Variants in PTPN4 observed in about 807,000 individuals in gnomAD.
The protein encoded by PTPN4 is tyrosine-protein phosphatase non-receptor type 4.
In PTPN4, 49 loss-of-function variants were observed where a neutral mutation model predicts 135.5. That is an observed-to-expected ratio of 0.36 (90% CI 0.29 to 0.46). The LOEUF is 0.46. PTPN4 is among the 20% of genes least tolerant of loss of function. PTPN4 has a pLI of 1.00. For synonymous variants in PTPN4, 333 were observed against 369.9 expected (o/e 0.90, Z 1.14); for missense variants, 860 against 1,101.0 (o/e 0.78, Z 3.10).
intron 2 of PTPN4, among the ~76,000 whole-genome samples, chr2:119,824,935 G>A (rs914121966): frequency 1.4e-4 from 22 of 152,168 alleles, no homozygotes; most frequent in Non-Finnish European, 2.6e-4. Flanking sequence ...TGGTCCGCCT[G>A]CCTTGGCCTC....
In PTPN4 at chr2:119,910,211, A is replaced by G. The variant is rs1318594731; in HGVS notation, c.765-4968A>G. Among the ~76,000 whole-genome samples the G allele has an allele frequency of 2.0e-5, 3 of 152,114 alleles. No individual in the cohort carries two copies. The East Asian group carries it at 5.8e-4, about 29-fold the overall frequency. On this transcript the variant is annotated intron_variant, in intron 10 of 26. Transcript: ENST00000263708. Reference sequence around the variant, plus strand: ...AAGATTACAACTCCTGAGGGCTCAGATGATCATTAGAATTTTTTATAAATT... The same window carrying G: ...AAGATTACAACTCCTGAGGGCTCAGGTGATCATTAGAATTTTTTATAAATT...
chr2:119,862,598 G>A lies in PTPN4; in HGVS notation c.201G>A (p.Gln67=), dbSNP rs1677777168. 6 of 1,612,926 alleles carry A rather than the reference G, an allele frequency of 3.7e-6. No homozygotes were observed. Among genetic ancestry groups the A allele is most frequent in the African/African-American group, 1.3e-5 (1 of 74,818 alleles). Residue 67 remains glutamine (Q), a synonymous_variant, in exon 3 of 27, where the codon CAG becomes CAA. Coordinates refer to ENST00000263708, the MANE Select transcript of PTPN4 (RefSeq NM_002830.4). ...VVFKHLDLTE[Q]DYFGLQLADD... is the part of the protein sequence containing the mutation. ...TCAAGCATCTAGATTTGACTGAGCAGGACTATTTTGGTTTACAGTTGGCTG... is the reference window on the plus strand; with the variant it reads ...TCAAGCATCTAGATTTGACTGAGCAAGACTATTTTGGTTTACAGTTGGCTG...
At chr2:119,771,684 C>G (rs369331330) in intron 1 of PTPN4, 4 of 152,168 alleles carry the variant, frequency 2.6e-5, no homozygotes, top group Non-Finnish European at 5.9e-5. Flanking sequence ...TCATCATTAG[C>G]GAGTTTCCCT....
At chr2:119,938,958 T>C (rs929865123) in intron 15 of PTPN4, among the ~76,000 whole-genome samples, 6 of 152,342 alleles carry the variant, frequency 3.9e-5, no homozygotes, top group African/African-American at 1.2e-4. Context: ...AGCTCTGGAT[T>C]CAGACTAGGT....
chr2:119,962,729 C>A lies in PTPN4; in HGVS notation c.2394C>A (p.Thr798=), dbSNP rs2105059971. The A allele has an allele frequency of 6.3e-7, 1 of 1,580,904 alleles. No homozygotes were observed. Among genetic ancestry groups the A allele is most frequent in the South Asian group, 1.2e-5 (1 of 86,260 alleles). The change falls in exon 24 of 27, where the codon ACC becomes ACA. Residue 798 remains threonine, a synonymous_variant. Transcript: ENST00000263708. ...CTGCCTATATCTTCAGGAAGATGAC[C>A]CTATTTAACCAAGAGGTAAGAAGGC... is the stretch of plus-strand genomic sequence containing the variant. ...GNTAYIFRKM[T]LFNQEKNESR...
intron 1 of PTPN4, among the ~76,000 whole-genome samples, chr2:119,782,899 G>T (rs1690970187): frequency 6.6e-6 from 1 of 151,202 alleles, no homozygotes; most frequent in Non-Finnish European, 1.5e-5. Context: ...GTAGAGACAG[G>T]ATCTCCCTAT....
chr2:119,780,938 A>G (rs369292706), intron 1 of PTPN4, among the ~76,000 whole-genome samples: 3 of 152,082 alleles, frequency 2.0e-5, no homozygotes, highest in Non-Finnish European at 4.4e-5. Context: ...TCTTCCTTCT[A>G]TATTTATCAT....
intron 3 of PTPN4, among the ~76,000 whole-genome samples, chr2:119,874,090 T>C (rs558174238): frequency 6.6e-6 from 1 of 152,260 alleles, no homozygotes; most frequent in African/African-American, 2.4e-5. Context: ...AAACCAAATA[T>C]GGTATAGCTA....
At chr2:119,833,145 G>C (rs1677242864) in intron 2 of PTPN4, among the ~76,000 whole-genome samples, 1 of 151,930 alleles carries the variant, frequency 6.6e-6, no homozygotes, top group South Asian at 2.1e-4. Context: ...CTTGTCAGAA[G>C]TTTGTTGTTA....
chr2:119,841,959 A>T (rs1677387713), intron 2 of PTPN4, among the ~76,000 whole-genome samples: 2 of 152,212 alleles, frequency 1.3e-5, no homozygotes, highest in Non-Finnish European at 2.9e-5. Flanking sequence ...GATCCTGGGA[A>T]CTTGAGAAGA....
At chr2:119,787,737 C>A (rs996671901) in intron 1 of PTPN4, among the ~76,000 whole-genome samples, 9 of 152,094 alleles carry the variant, frequency 5.9e-5, no homozygotes, top group Non-Finnish European at 1.2e-4. Context: ...GATTGTGGAA[C>A]CTATGTAGTT....
At chr2:119,910,324 A>G (rs1156302404) in intron 10 of PTPN4, among the ~76,000 whole-genome samples, 1 of 152,122 alleles carries the variant, frequency 6.6e-6, no homozygotes, top group Non-Finnish European at 1.5e-5. Context: ...TAACTTTTAT[A>G]TCCACTGAGA....
At chr2:119,915,108 C>A in intron 10 of PTPN4, 71 bp from the exon 11 acceptor site, 1 of 1,272,300 alleles carries the variant, frequency 7.9e-7, no homozygotes, top group Non-Finnish European at 1.1e-6. Flanking sequence ...ACACTTAAAA[C>A]ATTTTTTCAT....
At chr2:119,793,173 T>C (rs1311596033) in intron 1 of PTPN4, among the ~76,000 whole-genome samples, 1 of 152,168 alleles carries the variant, frequency 6.6e-6, no homozygotes, top group African/African-American at 2.4e-5. Context: ...TACCTACAAC[T>C]GCATAAGGCA....
chr2:119,836,480 G>T (rs532599911), intron 2 of PTPN4, among the ~76,000 whole-genome samples: 1 of 152,220 alleles, frequency 6.6e-6, no homozygotes, highest in African/African-American at 2.4e-5. Flanking sequence ...TGGAGCGGCC[G>T]CTGCAAAGAC....
chr2:119,763,559 A>T (rs149726169), intron 1 of PTPN4, among the ~76,000 whole-genome samples: 1 of 152,326 alleles, frequency 6.6e-6, no homozygotes, highest in East Asian at 1.9e-4. Flanking sequence ...GTCTAGGCTC[A>T]TACTTCTAGT....
At chr2:119,906,932 T>C (rs866640567) in intron 10 of PTPN4, among the ~76,000 whole-genome samples, 14 of 152,146 alleles carry the variant, frequency 9.2e-5, no homozygotes, top group Admixed American at 1.3e-4. Context: ...CCACTGAAAG[T>C]CTCTTAGAAC....
intron 2 of PTPN4, among the ~76,000 whole-genome samples, chr2:119,822,311 C>G (rs760268688): frequency 6.6e-6 from 1 of 151,462 alleles, no homozygotes; most frequent in Non-Finnish European, 1.5e-5. Context: ...GCTCTGCTGT[C>G]TCTTCCACAT....
chr2:119,811,627 C>T (rs994618199), intron 2 of PTPN4, among the ~76,000 whole-genome samples: 6 of 152,000 alleles, frequency 3.9e-5, no homozygotes, highest in Admixed American at 1.3e-4. Context: ...CTATTATTCA[C>T]GTGTTAGAAT....
Sources: allele counts gnomAD v4.1 joint callset (sites outside exome capture counted in the v4.1 genomes callset), GRCh38; gene constraint gnomAD v4.1.1; transcripts MANE v1.5; gene names NCBI Gene and HGNC (gene_info 2026-07-23, HGNC 2026-07-21).